CCSER1: variants seen among roughly 807,000 people sequenced by gnomAD.
CCSER1 encodes serine-rich coiled-coil domain-containing protein 1.
In CCSER1, 41 loss-of-function variants were observed where a neutral mutation model predicts 82.0. The observed-to-expected ratio is 0.50, with a 90% CI of 0.39 to 0.65. The LOEUF is 0.65. CCSER1 is among the 30% of genes least tolerant of loss of function. The pLI is 0.00. For missense variants in CCSER1, 1,119 were observed against 1,064.2 expected (o/e 1.05, Z -0.72); for synonymous variants, 414 against 383.9 (o/e 1.08, Z -0.92).
At chr4:90,243,049 T>A (rs1302216131) in intron 1 of CCSER1, among the ~76,000 whole-genome samples, 1 of 147,956 alleles carries the variant, frequency 6.8e-6, no homozygotes, top group Non-Finnish European at 1.5e-5. Flanking sequence ...CTCTCTCTCT[T>A]TTCTCTCTCT....
chr4:91,264,210 A>G (rs1741400176), intron 10 of CCSER1, among the ~76,000 whole-genome samples: 1 of 151,836 alleles, frequency 6.6e-6, no homozygotes, highest in Admixed American at 6.6e-5. Context: ...AATTTTTATT[A>G]ACAAAGAACT....
intron 1 of CCSER1, among the ~76,000 whole-genome samples, chr4:90,193,308 A>G (rs1314170107): frequency 6.6e-6 from 1 of 152,094 alleles, no homozygotes; most frequent in Non-Finnish European, 1.5e-5. Flanking sequence ...AGTGTTCAAT[A>G]AATATATAGA....
At chr4:91,457,544 C>A (rs1335481668) in intron 10 of CCSER1, among the ~76,000 whole-genome samples, 3 of 151,938 alleles carry the variant, frequency 2.0e-5, no homozygotes, top group Admixed American at 1.3e-4. Context: ...GTGGCGCATG[C>A]CTTTAGTCTC....
chr4:90,447,124 C>T (rs1233104938), intron 4 of CCSER1, among the ~76,000 whole-genome samples: 5 of 152,140 alleles, frequency 3.3e-5, no homozygotes, highest in Admixed American at 6.5e-5. Context: ...GAAAACTGCA[C>T]GTTGTCCAAG....
chr4:90,509,431 G>T (rs1771172113), intron 5 of CCSER1, among the ~76,000 whole-genome samples: 1 of 152,072 alleles, frequency 6.6e-6, no homozygotes, highest in Non-Finnish European at 1.5e-5. Context: ...TAAGTCGTTT[G>T]CCATCTACAT....
chr4:91,045,052 G>C (rs1742324740), intron 9 of CCSER1, among the ~76,000 whole-genome samples: 1 of 152,144 alleles, frequency 6.6e-6, no homozygotes, highest in Non-Finnish European at 1.5e-5. Context: ...AGGCAGGGGA[G>C]ACAGAGGGTT....
At chr4:90,730,520 C>T (rs1744511578) in intron 7 of CCSER1, among the ~76,000 whole-genome samples, 1 of 152,092 alleles carries the variant, frequency 6.6e-6, no homozygotes, top group African/African-American at 2.4e-5. Context: ...AACTAAATCC[C>T]TGCATTAATG....
Position 91,598,834 on chromosome 4 carries a change from A to C in CCSER1, c.2480A>C (p.Gln827Pro). 1 of 1,551,672 alleles carries C rather than the reference A, an allele frequency of 6.4e-7. No individual in the cohort carries two copies. The highest frequency in any genetic ancestry group is 8.7e-7 in the Non-Finnish European group (1 of 1,146,936). ...VTQNLRATVG[Q>P]SSLKPTAKTE... is the part of the protein sequence containing the mutation. ...CAGAACTTACGGGCCACCGTTGGGC[A>C]GAGCTCTCTGAAGCCAACAGCTAAG... The change falls in exon 11 of 11, where the codon CAG (glutamine) becomes CCG (proline). Residue 827 changes from glutamine to proline, a missense_variant. Coordinates refer to ENST00000509176, the MANE Select transcript of CCSER1 (RefSeq NM_001145065.2).
chr4:91,414,623 G>T (rs1477726885), intron 10 of CCSER1, among the ~76,000 whole-genome samples: 1 of 152,030 alleles, frequency 6.6e-6, no homozygotes, highest in Admixed American at 6.6e-5. Context: ...ATGTAGAGTG[G>T]CCAAAAGAAT....
At chr4:90,519,366 G>A (rs1772771863) in intron 5 of CCSER1, among the ~76,000 whole-genome samples, 2 of 151,928 alleles carry the variant, frequency 1.3e-5, no homozygotes, top group Non-Finnish European at 1.5e-5. Flanking sequence ...TGATACAGTT[G>A]AGTGACAATT....
At chr4:91,574,752 G>C (rs1460999490) in intron 10 of CCSER1, among the ~76,000 whole-genome samples, 1 of 151,960 alleles carries the variant, frequency 6.6e-6, no homozygotes, top group Non-Finnish European at 1.5e-5. Context: ...AGGGAGGGAG[G>C]AGGGGAAAGA....
intron 10 of CCSER1, among the ~76,000 whole-genome samples, chr4:91,332,220 G>T (rs972492811): frequency 6.6e-6 from 1 of 151,764 alleles, no homozygotes; most frequent in Non-Finnish European, 1.5e-5. Context: ...TAGCATAATT[G>T]AAAAATTCTT....
rs17216822 is a variant in CCSER1, at chr4:91,473,010, G to T, written c.2218-125562G>T. ...CAGTCTGTGATCTGTGTTATCCCTG[G>T]TTAAGTTGTGGTTACTACCAACTCC... On this transcript the variant is annotated intron_variant, in intron 10 of 10. Coordinates refer to ENST00000509176, the MANE Select transcript of CCSER1 (RefSeq NM_001145065.2). 6.1e-3 allele frequency among the ~76,000 whole-genome samples: 930 copies of T among 151,990 alleles called. 2 individuals carry two copies. Among genetic ancestry groups the T allele is most frequent in the Admixed American group, 9.1e-3 (138 of 15,242 alleles).
chr4:91,020,752 C>A (rs890337106), intron 9 of CCSER1, among the ~76,000 whole-genome samples: 56 of 151,988 alleles, frequency 3.7e-4, no homozygotes, highest in Middle Eastern at 3.4e-3. Flanking sequence ...TGTATATATA[C>A]AAAATATACT....
chr4:90,538,590 A>G (rs1247592238), intron 5 of CCSER1, among the ~76,000 whole-genome samples: 1 of 152,120 alleles, frequency 6.6e-6, no homozygotes, highest in Non-Finnish European at 1.5e-5. Context: ...GATTGAGTGC[A>G]CAGTGTATTA....
chr4:90,550,204 C>T (rs1301397690), intron 5 of CCSER1, among the ~76,000 whole-genome samples: 2 of 152,010 alleles, frequency 1.3e-5, no homozygotes, highest in Admixed American at 6.6e-5. Context: ...TATCACAGGG[C>T]GTGCTAAACT....
intron 8 of CCSER1, among the ~76,000 whole-genome samples, chr4:90,916,302 G>A (rs1198094290): frequency 6.6e-6 from 1 of 152,096 alleles, no homozygotes; most frequent in Non-Finnish European, 1.5e-5. Flanking sequence ...CATGGTACTG[G>A]TACCAAAACA....
At chr4:90,238,847 T>C (rs747639274) in intron 1 of CCSER1, among the ~76,000 whole-genome samples, 1 of 152,136 alleles carries the variant, frequency 6.6e-6, no homozygotes, top group Non-Finnish European at 1.5e-5. Flanking sequence ...GGATTTCTTC[T>C]AGCATTAATT....
At chr4:90,931,014 AATAT>A (rs199808606) in intron 9 of CCSER1, among the ~76,000 whole-genome samples, 8 of 141,588 alleles carry the variant, frequency 5.7e-5, no homozygotes, top group East Asian at 4.3e-4. Flanking sequence ...ATATCCTTGA[AATAT>A]ATATATATAT....
Sources: allele counts gnomAD v4.1 joint callset (sites outside exome capture counted in the v4.1 genomes callset), GRCh38; gene constraint gnomAD v4.1.1; transcripts MANE v1.5; gene names NCBI Gene and HGNC (gene_info 2026-07-23, HGNC 2026-07-21).